GRAMD4: variants seen among roughly 807,000 people sequenced by gnomAD.
GRAMD4 encodes GRAM domain-containing protein 4.
Under a neutral mutation model 83.9 loss-of-function variants are expected in GRAMD4, and 25 were observed. That is an observed-to-expected ratio of 0.30 (90% CI 0.22 to 0.42). The LOEUF (loss-of-function observed/expected upper bound fraction) is 0.42, where lower values mean the gene tolerates loss of function less well. Among genes scored for constraint, GRAMD4 ranks in the 10% least tolerant of loss-of-function variants. The pLI is 1.00. For synonymous variants in GRAMD4, 336 were observed against 320.9 expected (o/e 1.05, Z -0.50); for missense variants, 593 against 788.7 (o/e 0.75, Z 2.97).
intron 1 of GRAMD4, among the ~76,000 whole-genome samples, chr22:46,606,028 TGAGCATGTCTGCATGGGCC>T (rs1233783805): frequency 0.2 from 1,014 of 5,098 alleles, 281 homozygotes; most frequent in East Asian, 0.5. Context: ...TGACCAGTGC[TGAGCATGTCTGCATGGGCC>T]TATGGCTGGT....
At chr22:46,635,745 GC>G (rs1338249295) in intron 2 of GRAMD4, among the ~76,000 whole-genome samples, 117 of 21,684 alleles carry the variant, frequency 5.4e-3, no homozygotes, top group African/African-American at 0.013. Flanking sequence ...TGTCCTCCCT[GC>G]CCCCCGCCCC....
chr22:46,668,288 G>A (rs34501287), intron 11 of GRAMD4, 121 bp downstream of exon 11: 45,636 of 671,070 alleles, frequency 0.068, 2,044 homozygotes, highest in African/African-American at 0.17. Flanking sequence ...GGGGAGGGCC[G>A]TGCCTGACAC....
At position 46,650,671 on chromosome 22, in the gene GRAMD4, A is replaced by G. The variant is rs114612154; in HGVS notation, c.284-7516A>G. On this transcript the variant is annotated intron_variant, in intron 3 of 18. Transcript: ENST00000406902. Reference sequence around the variant, plus strand: ...GGTGCACAACCAGCCTGGCTGTCCCAGGGCTTCCTTTAGCCTCTGTGGGGG... The same window carrying G: ...GGTGCACAACCAGCCTGGCTGTCCCGGGGCTTCCTTTAGCCTCTGTGGGGG... Among the ~76,000 whole-genome samples the G allele has an allele frequency of 8.6e-3, 1,317 of 152,316 alleles. 14 individuals carry two copies. Among genetic ancestry groups the G allele is most frequent in the African/African-American group, 0.028 (1,180 of 41,554 alleles).
In GRAMD4 at chr22:46,674,736, C is replaced by T. The variant is rs1332834391; in HGVS notation, c.1464C>T (p.Leu488=). The T allele has an allele frequency of 8.7e-6, 14 of 1,610,166 alleles. No homozygotes were observed. The highest frequency in any genetic ancestry group is 1.2e-5 in the Non-Finnish European group (14 of 1,177,298). ...MPTDYIRNGV[L]YVTENYLCFE... is the part of the protein sequence containing the mutation. ...CGGACTACATCAGGAACGGGGTGCT[C>T]TACGTCACGGAGAAGTGAGTGCAGC... Residue 488 remains leucine (L), a synonymous_variant, in exon 16 of 19, where the codon CTC becomes CTT. Coordinates refer to ENST00000406902, the MANE Select transcript of GRAMD4 (RefSeq NM_015124.5).
At chr22:46,581,264 A>G (rs1430828112) in intron 1 of GRAMD4, among the ~76,000 whole-genome samples, 1 of 152,270 alleles carries the variant, frequency 6.6e-6, no homozygotes, top group Admixed American at 6.5e-5. Flanking sequence ...TAATAGTAAT[A>G]GAAATCACTC....
intron 1 of GRAMD4, among the ~76,000 whole-genome samples, chr22:46,614,849 C>CTTCCCCTGTGCATGGAGG (rs1569261064): frequency 7.0e-5 from 1 of 14,270 alleles, no homozygotes; most frequent in Admixed American, 9.2e-4. Context: ...GTGCTTGTAG[C>CTTCCCCTGTGCATGGAGG]TTCCCCTGTG....
rs1246429966 is a variant in GRAMD4 at position 46,620,787 on chromosome 22, A to AG, written c.-50+224dup. ...GCAGCCCGGGGCCAGGGGTCCAGTGAGGAAGGGTGGAGGCCTCCTGAGAAC... is the reference window on the plus strand; with the variant it reads ...GCAGCCCGGGGCCAGGGGTCCAGTGAGGGAAGGGTGGAGGCCTCCTGAGAAC... On this transcript the variant is annotated intron_variant, in intron 1 of 18. Transcript: ENST00000406902. This position sits in a 1 kb window ranked among gnomAD's most constrained non-coding sequence, Gnocchi z 4.7. Among the ~76,000 whole-genome samples the AG allele has an allele frequency of 1.3e-5, 2 of 152,040 alleles. No individual in the cohort carries two copies. The highest frequency in any genetic ancestry group is 4.8e-5 in the African/African-American group (2 of 41,398).
intron 15 of GRAMD4, 102 bp from the exon 16 acceptor site, chr22:46,674,555 G>C (rs927185739): frequency 1.9e-5 from 16 of 848,182 alleles, no homozygotes; most frequent in African/African-American, 1.7e-4. Flanking sequence ...AGCGCGGTGG[G>C]CGGATGTCAG....
chr22:46,602,945 G>A (rs1195830524), intron 1 of GRAMD4, among the ~76,000 whole-genome samples: 5 of 151,732 alleles, frequency 3.3e-5, no homozygotes, highest in East Asian at 2.0e-4. Context: ...GTTTCACCAT[G>A]TTGGCCAGGC....
chr22:46,638,449 C>T (rs1245150852), intron 3 of GRAMD4, among the ~76,000 whole-genome samples: 1 of 152,238 alleles, frequency 6.6e-6, no homozygotes, highest in African/African-American at 2.4e-5. Context: ...TGGCCTTGGC[C>T]AGGCGTGCCT....
chr22:46,663,230 AG>A (rs1349043346), intron 6 of GRAMD4, 58 bp downstream of exon 6: 1 of 1,538,380 alleles, frequency 6.5e-7, no homozygotes, highest in African/African-American at 1.4e-5. Context: ...CCCTGGGCTG[AG>A]GCTGCAGCGG....
chr22:46,678,044 G>A lies in GRAMD4; in HGVS notation c.*793G>A. 1 of 985,768 alleles carries A rather than the reference G, an allele frequency of 1.0e-6. No homozygotes were observed. Among genetic ancestry groups the A allele is most frequent in the Admixed American group, 6.1e-5 (1 of 16,296 alleles). The allele number at this position is 985,768 out of a possible 1,614,324, so 61.1% of individuals were successfully genotyped here. ...TAGCTGGGGACCAGTAAGGGCACAG[G>A]ATGGTGCAGGTAAAAGCACATCTTT... On this transcript the variant is annotated 3_prime_UTR_variant, in exon 19 of 19. Coordinates refer to ENST00000406902, the MANE Select transcript of GRAMD4 (RefSeq NM_015124.5).
At chr22:46,673,945 TC>T in intron 15 of GRAMD4, 131 bp downstream of exon 15, 1 of 966,752 alleles carries the variant, frequency 1.0e-6, no homozygotes, top group Non-Finnish European at 1.6e-6. Flanking sequence ...GGCATTCACA[TC>T]CCACTGCCCC....
chr22:46,610,914 TTAAA>T (rs1397867922), intron 1 of GRAMD4, among the ~76,000 whole-genome samples: 5 of 152,212 alleles, frequency 3.3e-5, no homozygotes, highest in Non-Finnish European at 7.3e-5. Flanking sequence ...TTTGTTTTCT[TTAAA>T]TAAACATCTT....
chr22:46,662,313 A>G (rs1167344986), intron 5 of GRAMD4, among the ~76,000 whole-genome samples: 1 of 152,136 alleles, frequency 6.6e-6, no homozygotes, highest in Non-Finnish European at 1.5e-5. Flanking sequence ...TATGGTGACC[A>G]CAGGCCCTCT....
intron 3 of GRAMD4, among the ~76,000 whole-genome samples, chr22:46,641,835 G>A (rs1394277388): frequency 2.0e-5 from 3 of 152,214 alleles, no homozygotes; most frequent in African/African-American, 7.2e-5. Flanking sequence ...TTTGTTAGCC[G>A]ACACATTTCC....
At chr22:46,602,219 C>T (rs117996386) in intron 1 of GRAMD4, among the ~76,000 whole-genome samples, 138 of 152,320 alleles carry the variant, frequency 9.1e-4, no homozygotes, top group Non-Finnish European at 1.8e-3. Context: ...GTGTGAGAGA[C>T]TAGGAGAGCT....
At chr22:46,608,716 AT>A (rs1417229383) in intron 1 of GRAMD4, among the ~76,000 whole-genome samples, 6 of 151,104 alleles carry the variant, frequency 4.0e-5, no homozygotes, top group Non-Finnish European at 5.9e-5. Flanking sequence ...CAATATATAT[AT>A]TTTTTTCTTG....
At chr22:46,583,107 A>G (rs1439494600) in intron 1 of GRAMD4, among the ~76,000 whole-genome samples, 1 of 152,184 alleles carries the variant, frequency 6.6e-6, no homozygotes, top group Non-Finnish European at 1.5e-5. Context: ...TATTTTTAGT[A>G]GAGATGGAGT....
Sources: gnomAD v4.1 joint callset for allele counts (sites outside exome capture counted in the v4.1 genomes callset) on GRCh38, gnomAD v4.1.1 for gene constraint, Gnocchi (gnomAD v3.1) non-coding constraint, MANE v1.5 for transcripts, NCBI Gene and HGNC (gene_info 2026-07-23, HGNC 2026-07-21) for gene names.